Variants in PAWR observed in about 807,000 individuals in gnomAD.
PAWR encodes the protein pro-apoptotic WT1 regulator.
A neutral mutation model predicts 32.0 loss-of-function variants in PAWR; 23 were observed. The ratio of observed to expected loss-of-function variants is 0.72; its 90% CI spans 0.52 to 1.02. The LOEUF is 1.02. PAWR is among the 50% of genes least tolerant of loss of function. PAWR has a pLI of 0.00. For missense variants in PAWR, 457 were observed against 437.7 expected, an observed-to-expected ratio of 1.04 and a Z score of -0.39; for synonymous variants, 226 against 187.1, an observed-to-expected ratio of 1.21 and a Z score of -1.70.
At chr12:79,611,198 A>C (rs1473546137) in intron 4 of PAWR, among the ~76,000 whole-genome samples, 1 of 146,634 alleles carries the variant, frequency 6.8e-6, no homozygotes, top group Non-Finnish European at 1.5e-5. Flanking sequence ...TCTTATAGAT[A>C]TTTATATATA....
At position 79,609,663 on chromosome 12, in the gene PAWR, T is replaced by C. The variant is rs1419015393; in HGVS notation, c.683+3912A>G. On this transcript the variant is annotated intron_variant, in intron 4 of 6. Transcript: ENST00000328827. ...AAGATTATCTTCCCACTCTATCCCCTTTCCAGCTCCCCTTTCATTGGCAAT... is the reference window on the plus strand; with the variant it reads ...AAGATTATCTTCCCACTCTATCCCCCTTCCAGCTCCCCTTTCATTGGCAAT... Among the ~76,000 whole-genome samples, 26 of 152,084 alleles carry C rather than the reference T, an allele frequency of 1.7e-4. 1 individual carries two copies. The highest frequency in any genetic ancestry group is 1.6e-3 in the Admixed American group (25 of 15,268).
In PAWR at chr12:79,590,147, A is replaced by G. The variant is rs1873505545; in HGVS notation, c.*2460T>C. ...AAGGCCAAAAAAATCACTGCTAGAA[A>G]TGTTCCCCAAAAAATTCTTAAACAG... is the stretch of plus-strand genomic sequence containing the variant. On this transcript the variant is annotated 3_prime_UTR_variant, in exon 7 of 7. Transcript: ENST00000328827. 1 of 152,084 alleles carries G rather than the reference A, an allele frequency of 6.6e-6. No individual in the cohort carries two copies. Among genetic ancestry groups the G allele is most frequent in the South Asian group, 2.1e-4 (1 of 4,824 alleles). 9.4% of individuals were successfully genotyped at this position (152,084 alleles called of 1,614,324 possible). A position where few individuals can be genotyped will look rare whatever the true frequency, so the allele number is the denominator to read the frequency against.
intron 2 of PAWR, among the ~76,000 whole-genome samples, chr12:79,665,245 C>G (rs1365942056): frequency 6.6e-6 from 1 of 152,168 alleles, no homozygotes; most frequent in Admixed American, 6.5e-5. Context: ...TATCTTCAAA[C>G]CATAACTATT....
chr12:79,592,801 T>A (rs1478161867), intron 6 of PAWR, 108 bp from the exon 7 acceptor site: 1 of 560,732 alleles, frequency 1.8e-6, no homozygotes, highest in Non-Finnish European at 3.1e-6. Flanking sequence ...AATTTTGAAA[T>A]GAGGGCAAGC....
intron 2 of PAWR, among the ~76,000 whole-genome samples, chr12:79,633,969 G>A (rs1875839244): frequency 6.6e-6 from 1 of 151,986 alleles, no homozygotes; most frequent in African/African-American, 2.4e-5. Flanking sequence ...CAGTGTGCTG[G>A]TATAGATAAA....
intron 2 of PAWR, among the ~76,000 whole-genome samples, chr12:79,629,203 G>C (rs1056801804): frequency 2.0e-5 from 3 of 151,988 alleles, no homozygotes; most frequent in African/African-American, 7.2e-5. Flanking sequence ...CTGAAAGGCA[G>C]AAGTTATAAT....
intron 2 of PAWR, among the ~76,000 whole-genome samples, chr12:79,645,339 A>G (rs1876524143): frequency 6.6e-6 from 1 of 152,194 alleles, no homozygotes; most frequent in Non-Finnish European, 1.5e-5. Flanking sequence ...TCATGAAAAG[A>G]TTACTTAGCC....
rs190121006 is a variant in PAWR, at chr12:79,592,092, T to C, written c.*515A>G. 3.9e-5 allele frequency: 6 copies of C among 152,690 alleles called. No individual in the cohort carries two copies. In the East Asian group the frequency reaches 9.6e-4, roughly 25 times the overall value. The allele number at this position is 152,690 out of a possible 1,614,324, so 9.5% of individuals were successfully genotyped here. ...CTTTCCTTTTAAAAGGTTGCTGTTA[T>C]AAAAAAGTATGACTCTATTACTCTA... On this transcript the variant is annotated 3_prime_UTR_variant, in exon 7 of 7. Transcript: ENST00000328827.
chr12:79,594,528 T>A lies in PAWR; in HGVS notation c.832-95A>T, dbSNP rs984512311. The A allele has an allele frequency of 8.3e-5, 53 of 634,750 alleles. No individual in the cohort carries two copies. The South Asian group carries it at 9.8e-4, about 12-fold the overall frequency. The allele number at this position is 634,750 out of a possible 1,614,324, so 39.3% of individuals were successfully genotyped here. On this transcript the variant is annotated intron_variant, in intron 5 of 6. Coordinates refer to ENST00000328827, the MANE Select transcript of PAWR (RefSeq NM_002583.4). ...TATCTCCCCAATTTGGTAAAATATC[T>A]TACATACATGAAGATTTCCAATGAA...
intron 2 of PAWR, among the ~76,000 whole-genome samples, chr12:79,660,066 G>A (rs1417276740): frequency 6.6e-6 from 1 of 152,118 alleles, no homozygotes; most frequent in East Asian, 1.9e-4. Flanking sequence ...TAACAGTTTT[G>A]CAGATAAAAC....
rs913980438 is a variant in PAWR, at chr12:79,587,688, A to C, written c.*4919T>G. On this transcript the variant is annotated 3_prime_UTR_variant, in exon 7 of 7. Coordinates refer to ENST00000328827, the MANE Select transcript of PAWR (RefSeq NM_002583.4). ...TTAAAGTGCTGCATATGGTTTCTGTAAGAGGTACATAATTAGATTACCAGC... is the reference window on the plus strand; with the variant it reads ...TTAAAGTGCTGCATATGGTTTCTGTCAGAGGTACATAATTAGATTACCAGC... 1.3e-5 allele frequency: 2 copies of C among 151,996 alleles called. No individual in the cohort carries two copies. The highest frequency in any genetic ancestry group is 2.9e-5 in the Non-Finnish European group (2 of 67,872). 9.4% of individuals were successfully genotyped at this position (151,996 alleles called of 1,614,324 possible).
chr12:79,676,399 C>T (rs1878168280), intron 2 of PAWR, among the ~76,000 whole-genome samples: 1 of 152,014 alleles, frequency 6.6e-6, no homozygotes, highest in Non-Finnish European at 1.5e-5. Context: ...TAATAAGCTC[C>T]CCTATGTACT....
Position 79,665,481 on chromosome 12 carries a change from C to T in PAWR, c.516+24248G>A, listed in dbSNP as rs1004337902. On this transcript the variant is annotated intron_variant, in intron 2 of 6. Transcript: ENST00000328827. ...AGTTGGCTCAATAAACTTGTCTCAA[C>T]GTATTTCTATTGTATCATAAAAATT... 4.6e-5 allele frequency among the ~76,000 whole-genome samples: 7 copies of T among 152,210 alleles called. No individual in the cohort carries two copies. In the East Asian group the frequency reaches 7.7e-4, roughly 17 times the overall value.
intron 2 of PAWR, among the ~76,000 whole-genome samples, chr12:79,665,981 T>C (rs562321205): frequency 6.6e-6 from 1 of 152,328 alleles, no homozygotes; most frequent in South Asian, 2.1e-4. Flanking sequence ...TAGGTGAAAG[T>C]ATCATCAGAT....
At chr12:79,641,908 A>T (rs1876345909) in intron 2 of PAWR, among the ~76,000 whole-genome samples, 1 of 150,972 alleles carries the variant, frequency 6.6e-6, no homozygotes, top group South Asian at 2.1e-4. Flanking sequence ...GCTACATAAT[A>T]ACTCCTTTCC....
chr12:79,598,585 C>A (rs1873847016), intron 4 of PAWR, among the ~76,000 whole-genome samples: 1 of 152,098 alleles, frequency 6.6e-6, no homozygotes, highest in Non-Finnish European at 1.5e-5. Flanking sequence ...GAATTTCTTA[C>A]CTATGAATTT....
At position 79,688,647 on chromosome 12, in the gene PAWR, AT is replaced by A. The variant is rs1209397317; in HGVS notation, c.516+1081del. Among the ~76,000 whole-genome samples, 3 of 152,156 alleles carry A rather than the reference AT, an allele frequency of 2.0e-5. No individual in the cohort carries two copies. In the South Asian group the frequency reaches 6.2e-4, roughly 32 times the overall value. On this transcript the variant is annotated intron_variant, in intron 2 of 6. Coordinates refer to ENST00000328827, the MANE Select transcript of PAWR (RefSeq NM_002583.4). ...ATACGTCCTACAAAGACACACTATG[AT>A]TTAACAGGTATGGAAATCATAATAC...
At chr12:79,604,512 A>G in intron 4 of PAWR, 1 of 1,152,994 alleles carries the variant, frequency 8.7e-7, no homozygotes, top group East Asian at 6.8e-5. Context: ...AGCAATGAGA[A>G]GAAATACAAG....
At chr12:79,595,416 T>C (rs1873714745) in intron 5 of PAWR, among the ~76,000 whole-genome samples, 1 of 152,226 alleles carries the variant, frequency 6.6e-6, no homozygotes, top group Non-Finnish European at 1.5e-5. Flanking sequence ...TACAGAGCAA[T>C]CAACCATCCA....
Sources: allele counts gnomAD v4.1 joint callset (sites outside exome capture counted in the v4.1 genomes callset), GRCh38; gene constraint gnomAD v4.1.1; transcripts MANE v1.5; gene names NCBI Gene and HGNC (gene_info 2026-07-23, HGNC 2026-07-21).